The following SCLT1 variants were observed in gnomAD, a reference collection of about 807,000 sequenced individuals.
SCLT1 encodes sodium channel and clathrin linker 1, also known as sodium channel-associated protein 1.
SCLT1 carries 78 observed loss-of-function variants against 112.8 expected under a neutral mutation model. That is an observed-to-expected ratio of 0.69 (90% confidence interval 0.58 to 0.83). The LOEUF (loss-of-function observed/expected upper bound fraction) is 0.83. Among genes scored for constraint, SCLT1 ranks in the 40% least tolerant of loss-of-function variants. The pLI, the probability that SCLT1 is intolerant of heterozygous loss-of-function variation, is 0.00. For synonymous variants in SCLT1, 257 were observed against 254.7 expected (o/e 1.01, Z -0.09); for missense variants, 747 against 770.4 (o/e 0.97, Z 0.36).
At position 128,999,981 on chromosome 4, in the gene SCLT1, T is replaced by C. The variant is rs72924120; in HGVS notation, c.427-187A>G. ...ATTATTAATAATTTAGAGAGTAAAC[T>C]TGAAGACATAAAGTTCCTTATTTTG... On this transcript the variant is annotated intron_variant, in intron 6 of 20. Transcript: ENST00000281142. Among the ~76,000 whole-genome samples the C allele has an allele frequency of 0.01, 1,552 of 152,042 alleles. 16 individuals carry two copies. Among genetic ancestry groups the C allele is most frequent in the African/African-American group, 0.028 (1,151 of 41,540 alleles).
intron 13 of SCLT1, among the ~76,000 whole-genome samples, chr4:128,956,190 C>A (rs944976643): frequency 6.6e-6 from 1 of 152,080 alleles, no homozygotes; most frequent in Non-Finnish European, 1.5e-5. Context: ...CAAAAGATGA[C>A]CTTCATCAAC....
intron 18 of SCLT1, among the ~76,000 whole-genome samples, chr4:128,923,687 A>ATCAGTGGTTT (rs1165175223): frequency 1.3e-5 from 2 of 151,060 alleles, no homozygotes; most frequent in African/African-American, 4.9e-5. Flanking sequence ...TGTTGAGTGT[A>ATCAGTGGTTT]TCAGTGGTTT....
In SCLT1 at chr4:129,093,324, G is replaced by A; in HGVS notation, c.-221C>T. ...TGGCCCTGGTGAGAGACTGAAGATT[G>A]CTGGGGACTCCACGTTCAACCGAAT... On this transcript the variant is annotated 5_prime_UTR_variant, in exon 1 of 21. Coordinates refer to ENST00000281142, the MANE Select transcript of SCLT1 (RefSeq NM_144643.4). The A allele has an allele frequency of 3.4e-6, 2 of 587,126 alleles. No individual in the cohort carries two copies. Among genetic ancestry groups the A allele is most frequent in the Non-Finnish European group, 6.1e-6 (2 of 328,426 alleles). The allele number at this position is 587,126 out of a possible 1,614,324, so 36.4% of individuals were successfully genotyped here.
At chr4:129,006,924 G>T (rs1444419316) in intron 5 of SCLT1, among the ~76,000 whole-genome samples, 1 of 152,136 alleles carries the variant, frequency 6.6e-6, no homozygotes, top group Non-Finnish European at 1.5e-5. Flanking sequence ...TCGCCTTAGT[G>T]GCAACGCCGA....
intron 2 of SCLT1, among the ~76,000 whole-genome samples, chr4:129,046,588 G>T (rs896789783): frequency 3.3e-5 from 5 of 152,022 alleles, no homozygotes; most frequent in Non-Finnish European, 7.4e-5. Flanking sequence ...ATTATTAAAT[G>T]AAGTATTTGG....
chr4:129,023,833 C>T (rs919219028), intron 5 of SCLT1, among the ~76,000 whole-genome samples: 1 of 152,188 alleles, frequency 6.6e-6, no homozygotes, highest in Admixed American at 6.5e-5. Context: ...TCACTCCCAC[C>T]CTAATACTGC....
intron 9 of SCLT1, among the ~76,000 whole-genome samples, chr4:128,980,291 T>A (rs1258103771): frequency 6.6e-6 from 1 of 152,190 alleles, no homozygotes; most frequent in East Asian, 1.9e-4. Flanking sequence ...GAAAAATCTG[T>A]TAGCTAAAAT....
chr4:128,907,264 C>T (rs1309856661), intron 18 of SCLT1, among the ~76,000 whole-genome samples: 2 of 152,126 alleles, frequency 1.3e-5, no homozygotes, highest in Admixed American at 1.3e-4. Context: ...TCGATTTGAA[C>T]ATCAGGAAAT....
intron 5 of SCLT1, among the ~76,000 whole-genome samples, chr4:129,016,099 T>G (rs1287924696): frequency 6.6e-6 from 1 of 152,162 alleles, no homozygotes; most frequent in Non-Finnish European, 1.5e-5. Context: ...GAGTTTCTAG[T>G]TCTCTTACAA....
At chr4:128,899,183 C>A (rs1461316085) in intron 18 of SCLT1, among the ~76,000 whole-genome samples, 3 of 152,214 alleles carry the variant, frequency 2.0e-5, no homozygotes, top group South Asian at 2.1e-4. Flanking sequence ...ATGAGGCCAG[C>A]ATCATCCTGA....
At chr4:128,913,152 G>A (rs577902046) in intron 18 of SCLT1, among the ~76,000 whole-genome samples, 9 of 152,188 alleles carry the variant, frequency 5.9e-5, no homozygotes, top group South Asian at 4.2e-4. Context: ...TGCTACGTTC[G>A]GCATTCTGTT....
intron 5 of SCLT1, among the ~76,000 whole-genome samples, chr4:129,015,144 C>T (rs563042745): frequency 6.6e-6 from 1 of 152,104 alleles, no homozygotes; most frequent in African/African-American, 2.4e-5. Flanking sequence ...TGGTGGTCAG[C>T]TACCAGAGGG....
intron 4 of SCLT1, chr4:129,039,929 CACAA>C (rs1011656503): frequency 9.1e-5 from 37 of 408,062 alleles, no homozygotes; most frequent in African/African-American, 3.7e-4. Flanking sequence ...CACACACACA[CACAA>C]AACCCTGAAT....
intron 2 of SCLT1, among the ~76,000 whole-genome samples, chr4:129,076,645 G>T (rs1001410053): frequency 6.6e-6 from 1 of 151,522 alleles, no homozygotes; most frequent in African/African-American, 2.4e-5. Context: ...ATAACAAAGA[G>T]GATTCAATTA....
chr4:129,049,357 T>C (rs1036487762), intron 2 of SCLT1, among the ~76,000 whole-genome samples: 5 of 151,842 alleles, frequency 3.3e-5, no homozygotes, highest in Admixed American at 2.0e-4. Context: ...GAAATCATCA[T>C]TCTCAGCAAA....
At chr4:128,905,975 A>C (rs1464186706) in intron 18 of SCLT1, among the ~76,000 whole-genome samples, 1 of 151,990 alleles carries the variant, frequency 6.6e-6, no homozygotes, top group Non-Finnish European at 1.5e-5. Context: ...GCCTCTCCCC[A>C]CTAGAATGAA....
intron 18 of SCLT1, among the ~76,000 whole-genome samples, chr4:128,920,441 G>A (rs184336774): frequency 3.3e-5 from 5 of 152,206 alleles, no homozygotes; most frequent in South Asian, 2.1e-4. Flanking sequence ...ACAGGCACAC[G>A]CCACCACGCC....
intron 18 of SCLT1, among the ~76,000 whole-genome samples, chr4:128,932,988 C>T (rs1736894028): frequency 1.3e-5 from 2 of 152,072 alleles, no homozygotes; most frequent in Admixed American, 1.3e-4. Context: ...TATTCATGAA[C>T]TGAAGAAATT....
chr4:128,959,074 T>C (rs747601840), intron 12 of SCLT1, among the ~76,000 whole-genome samples: 1 of 152,146 alleles, frequency 6.6e-6, no homozygotes, highest in Non-Finnish European at 1.5e-5. Flanking sequence ...AATGTATCAT[T>C]CATAGGGAAG....
Sources: gnomAD v4.1 joint callset for allele counts (sites outside exome capture counted in the v4.1 genomes callset) on GRCh38, gnomAD v4.1.1 for gene constraint, MANE v1.5 for transcripts, NCBI Gene and HGNC (gene_info 2026-07-23, HGNC 2026-07-21) for gene names.